The following FMO3 variants were observed in gnomAD, a reference collection of about 807,000 sequenced individuals.
The protein encoded by FMO3 is flavin-containing monooxygenase 3.
A neutral mutation model predicts 39.4 loss-of-function variants in FMO3; 40 were observed. The ratio of observed to expected loss-of-function variants is 1.02; its 90% CI spans 0.79 to 1.32. FMO3 has a LOEUF of 1.32. Ranked by LOEUF, FMO3 falls within the 40% of genes most tolerant of loss-of-function variation. FMO3 has a pLI of 0.00. For synonymous variants in FMO3, 219 were observed against 228.8 expected, an observed-to-expected ratio of 0.96 and a Z score of 0.39; for missense variants, 680 against 651.8, an observed-to-expected ratio of 1.04 and a Z score of -0.47.
At position 171,103,955 on chromosome 1, in the gene FMO3, G is replaced by A; in HGVS notation, c.303G>A (p.Leu101=). The change falls in exon 3 of 9, where the codon CTG becomes CTA. Residue 101 remains leucine (L), a synonymous_variant. Coordinates refer to ENST00000367755, the MANE Select transcript of FMO3 (RefSeq NM_001002294.3). ...CATTTGCCAAAGAAAAGAACCTCCT[G>A]AAGTACATACAATTTAAGGTAAGAT... is the stretch of plus-strand genomic sequence containing the variant. ...IIAFAKEKNL[L]KYIQFKTFVS... 6.2e-7 allele frequency: 1 copy of A among 1,612,388 alleles called. No individual in the cohort carries two copies. The highest frequency in any genetic ancestry group is 1.7e-5 in the Admixed American group (1 of 59,940).
At chr1:171,096,470 A>T (rs1391831427) in intron 2 of FMO3, among the ~76,000 whole-genome samples, 11 of 102,736 alleles carry the variant, frequency 1.1e-4, no homozygotes, top group East Asian at 3.6e-4. Flanking sequence ...TTAAATACAT[A>T]ATATATTTTA....
intron 2 of FMO3, among the ~76,000 whole-genome samples, chr1:171,094,871 T>A (rs1042095312): frequency 6.6e-6 from 1 of 152,188 alleles, no homozygotes; most frequent in Non-Finnish European, 1.5e-5. Flanking sequence ...TCAGGTAATA[T>A]GATGCCTCCA....
chr1:171,095,745 T>TAA (rs1553227859), intron 2 of FMO3, among the ~76,000 whole-genome samples: 15 of 125,290 alleles, frequency 1.2e-4, no homozygotes, highest in African/African-American at 4.4e-4. Context: ...TATATATCTA[T>TAA]AATAATATAA....
In FMO3 at chr1:171,092,808, G is replaced by T; in HGVS notation, c.132+18G>T. The T allele has an allele frequency of 6.2e-7, 1 of 1,613,282 alleles. No individual in the cohort carries two copies. The highest frequency in any genetic ancestry group is 8.5e-7 in the Non-Finnish European group (1 of 1,179,678). On this transcript the variant is annotated intron_variant, in intron 2 of 8. Transcript: ENST00000367755. ...AATTTTCAGTGAGTAGCATGTTGTTGTAATAGACAGGAAAATAGGTTGGGA... is the reference window on the plus strand; with the variant it reads ...AATTTTCAGTGAGTAGCATGTTGTTTTAATAGACAGGAAAATAGGTTGGGA...
chr1:171,117,286 A>C lies in FMO3; in HGVS notation c.1443A>C (p.Gly481=). The change falls in exon 9 of 9, where the codon GGA becomes GGC. Residue 481 remains glycine (G), a synonymous_variant. Transcript: ENST00000367755. The part of the protein sequence containing the change: ...FRLVGPGQWP[G]ARNAILTQWD... ...TGGTGGGCCCAGGGCAGTGGCCAGGAGCCAGAAATGCCATACTGACCCAGT... is the reference window on the plus strand; with the variant it reads ...TGGTGGGCCCAGGGCAGTGGCCAGGCGCCAGAAATGCCATACTGACCCAGT... The C allele has an allele frequency of 6.2e-7, 1 of 1,614,200 alleles. No homozygotes were observed. Among genetic ancestry groups the C allele is most frequent in the Non-Finnish European group, 8.5e-7 (1 of 1,180,020 alleles).
chr1:171,103,683 C>T, intron 2 of FMO3, 102 bp from the exon 3 acceptor site: 1 of 978,198 alleles, frequency 1.0e-6, no homozygotes, highest in Non-Finnish European at 1.7e-6. Flanking sequence ...TGGAACCTTC[C>T]ATAGATACCA....
At chr1:171,106,198 T>C (rs1655629642) in intron 3 of FMO3, among the ~76,000 whole-genome samples, 1 of 151,946 alleles carries the variant, frequency 6.6e-6, no homozygotes. Flanking sequence ...TGGAGTGCAA[T>C]GGTGTGATCT....
rs750308767 is a variant in FMO3 at position 171,110,861 on chromosome 1, T to C, written c.691T>C (p.Trp231Arg). Residue 231 changes from tryptophan to arginine, a missense_variant, in exon 6 of 9, where the codon TGG (tryptophan) becomes CGG (arginine). By Grantham distance (101) the Trp-to-Arg change is moderately radical. Transcript: ENST00000367755. ...CCGGGTCTGGGACAATGGTTATCCT[T>C]GGGACATGCTGCTCGTCACTCGATT... Reference protein sequence around the residue: ...MSRVWDNGYPWDMLLVTRFGT... With the variant: ...MSRVWDNGYPRDMLLVTRFGT... 4 of 1,613,922 alleles carry C rather than the reference T, an allele frequency of 2.5e-6. No homozygotes were observed. In the South Asian group the frequency reaches 3.3e-5, roughly 13 times the overall value.
chr1:171,092,462 C>G (rs973833851), intron 1 of FMO3, among the ~76,000 whole-genome samples, 191 bp from the exon 2 acceptor site: 2 of 152,168 alleles, frequency 1.3e-5, no homozygotes, highest in Non-Finnish European at 2.9e-5. Context: ...AACTCCTGGG[C>G]TCAAGTGATC....
At chr1:171,095,168 A>G (rs142524482) in intron 2 of FMO3, among the ~76,000 whole-genome samples, 1 of 152,176 alleles carries the variant, frequency 6.6e-6, no homozygotes, top group Non-Finnish European at 1.5e-5. Context: ...TAATTTTTCC[A>G]TTGTTGTTGG....
chr1:171,109,902 A>G (rs1452163273), intron 5 of FMO3, among the ~76,000 whole-genome samples: 3 of 152,164 alleles, frequency 2.0e-5, no homozygotes, highest in East Asian at 3.9e-4. Context: ...GATATGGCAT[A>G]TAAAAATTGG....
chr1:171,117,171 C>T lies in FMO3; in HGVS notation c.1328C>T (p.Ala443Val), dbSNP rs1028378518. Residue 443 changes from alanine to valine, a missense_variant, in exon 9 of 9, where the codon GCA (alanine) becomes GTA (valine). Ala to Val is a moderately conservative substitution (Grantham distance 64, BLOSUM62 0). Coordinates refer to ENST00000367755, the MANE Select transcript of FMO3 (RefSeq NM_001002294.3). ...GATGAACTCTCCTCCTTCATTGGGGCAAAGCCCAACATCCCATGGCTGTTT... is the reference window on the plus strand; with the variant it reads ...GATGAACTCTCCTCCTTCATTGGGGTAAAGCCCAACATCCCATGGCTGTTT... Reference protein sequence around the residue: ...YMDELSSFIGAKPNIPWLFLT... With the variant: ...YMDELSSFIGVKPNIPWLFLT... 8 of 1,614,058 alleles carry T rather than the reference C, an allele frequency of 5.0e-6. No individual in the cohort carries two copies. Among genetic ancestry groups the T allele is most frequent in the Admixed American group, 1.7e-5 (1 of 59,994 alleles).
chr1:171,096,721 A>G (rs1483941921), intron 2 of FMO3, among the ~76,000 whole-genome samples: 1 of 139,870 alleles, frequency 7.1e-6, no homozygotes, highest in Non-Finnish European at 1.5e-5. Flanking sequence ...TAATATAATT[A>G]TATTAAAAAT....
At chr1:171,110,462 T>C (rs1333118415) in intron 5 of FMO3, among the ~76,000 whole-genome samples, 2 of 152,142 alleles carry the variant, frequency 1.3e-5, no homozygotes, top group South Asian at 2.1e-4. Context: ...TCAGGATCAA[T>C]ACTTCCACAG....
In FMO3 at chr1:171,110,826, G is replaced by T; in HGVS notation, c.656G>T (p.Trp219Leu). ...ATGATCAGTTCCAGAAGTGGCTCCT[G>T]GGTGATGAGCCGGGTCTGGGACAAT... The part of the protein sequence containing the change: ...QVMISSRSGS[W>L]VMSRVWDNGY... The change falls in exon 6 of 9, where the codon TGG becomes TTG. Residue 219 changes from tryptophan (W) to leucine (L), a missense_variant. Coordinates refer to ENST00000367755, the MANE Select transcript of FMO3 (RefSeq NM_001002294.3). The T allele has an allele frequency of 6.2e-7, 1 of 1,613,952 alleles. No homozygotes were observed. The highest frequency in any genetic ancestry group is 8.5e-7 in the Non-Finnish European group (1 of 1,179,900).
chr1:171,097,089 C>T (rs1490423671), intron 2 of FMO3, among the ~76,000 whole-genome samples: 1 of 149,816 alleles, frequency 6.7e-6, no homozygotes, highest in East Asian at 2.0e-4. Context: ...TGGTTTCCAG[C>T]TTCATCCATG....
Position 171,103,776 on chromosome 1 carries a change from C to T in FMO3, c.133-9C>T. 1 of 1,608,712 alleles carries T rather than the reference C, an allele frequency of 6.2e-7. No individual in the cohort carries two copies. Among genetic ancestry groups the T allele is most frequent in the African/African-American group, 1.3e-5 (1 of 74,868 alleles). ...CAATTCGCTTCCATTTGATACTATACATTCACAGGACCATGCAGAGGAGGG... is the reference window on the plus strand; with the variant it reads ...CAATTCGCTTCCATTTGATACTATATATTCACAGGACCATGCAGAGGAGGG... On this transcript the variant is annotated splice_polypyrimidine_tract_variant and intron_variant, in intron 2 of 8. Coordinates refer to ENST00000367755, the MANE Select transcript of FMO3 (RefSeq NM_001002294.3).
In FMO3 at chr1:171,108,179, G is replaced by C. The variant is rs144283823; in HGVS notation, c.585G>C (p.Ser195=). 3.5e-4 allele frequency: 569 copies of C among 1,613,852 alleles called. 3 individuals carry two copies. The African/African-American group carries it at 6.3e-3, about 18-fold the overall frequency. Residue 195 remains serine, a synonymous_variant, in exon 5 of 9, where the codon TCG becomes TCC. Transcript: ENST00000367755. The part of the protein sequence containing the change: ...KRVLVVGLGN[S]GCDIATELSR... ...TCCTGGTGGTTGGCCTGGGGAATTCGGGCTGTGATATTGCCACAGAACTCA... is the reference window on the plus strand; with the variant it reads ...TCCTGGTGGTTGGCCTGGGGAATTCCGGCTGTGATATTGCCACAGAACTCA...
chr1:171,114,115 T>A lies in FMO3; in HGVS notation c.936T>A (p.Ile312=). ...AGGAATTCACAGAGACCTCGGCCAT[T>A]TTTGAGGATGGGACCATATTTGAGG... The part of the protein sequence containing the change: ...NVKEFTETSA[I]FEDGTIFEGI... The change falls in exon 7 of 9, where the codon ATT becomes ATA. Residue 312 remains isoleucine (I), a synonymous_variant. Transcript: ENST00000367755. 4.3e-6 allele frequency: 7 copies of A among 1,613,904 alleles called. No individual in the cohort carries two copies. The highest frequency in any genetic ancestry group is 5.9e-6 in the Non-Finnish European group (7 of 1,179,866).
Sources: allele counts gnomAD v4.1 joint callset (sites outside exome capture counted in the v4.1 genomes callset), GRCh38; gene constraint gnomAD v4.1.1; transcripts MANE v1.5; gene names NCBI Gene and HGNC (gene_info 2026-07-23, HGNC 2026-07-21).